The following PICK1 variants were observed in gnomAD, a reference collection of about 807,000 sequenced individuals.
PICK1 encodes PRKCA-binding protein.
A neutral mutation model predicts 48.9 loss-of-function variants in PICK1; 23 were observed. The observed-to-expected ratio is 0.47, with a 90% CI of 0.34 to 0.67. PICK1 has a LOEUF of 0.67. PICK1 is among the 30% of genes least tolerant of loss of function. The probability of loss-of-function intolerance (pLI) is 0.01; values close to 1 mark genes in which losing one functional copy is unlikely to be tolerated. For missense variants in PICK1, 423 were observed against 557.1 expected (o/e 0.76, Z 2.42); for synonymous variants, 217 against 228.2 (o/e 0.95, Z 0.44).
At chr22:38,062,394 C>A (rs185752595) in intron 3 of PICK1, among the ~76,000 whole-genome samples, 2 of 152,118 alleles carry the variant, frequency 1.3e-5, no homozygotes, top group East Asian at 3.9e-4. Context: ...ATTACAGGCA[C>A]GTGCCACCAC....
rs944017264 is a variant in PICK1, at chr22:38,067,852, C to T, written c.349+82C>T. On this transcript the variant is annotated intron_variant, in intron 5 of 12. Coordinates refer to ENST00000356976, the MANE Select transcript of PICK1 (RefSeq NM_012407.4). ...CCAAAGGAGAAGTGCCACAGCCAGC[C>T]CTGCCCTCCCCTTTATGACAGGAGA... 5.6e-6 allele frequency: 6 copies of T among 1,077,784 alleles called. No individual in the cohort carries two copies. The Admixed American group carries it at 7.1e-5, about 13-fold the overall frequency. 66.8% of individuals were successfully genotyped at this position (1,077,784 alleles called of 1,614,324 possible).
At chr22:38,060,533 G>A (rs1031793084) in intron 3 of PICK1, among the ~76,000 whole-genome samples, 3 of 152,094 alleles carry the variant, frequency 2.0e-5, no homozygotes, top group South Asian at 2.1e-4. Context: ...TGTAGGCCTC[G>A]AAGACAGATT....
intron 3 of PICK1, among the ~76,000 whole-genome samples, chr22:38,061,569 A>G (rs2085403893): frequency 6.6e-6 from 1 of 152,152 alleles, no homozygotes; most frequent in Non-Finnish European, 1.5e-5. Context: ...CCCAGGCTGG[A>G]GTGCAGTGGT....
Position 38,062,543 on chromosome 22 carries a change from C to T in PICK1, c.154-2459C>T, listed in dbSNP as rs138287923. Among the ~76,000 whole-genome samples, 666 of 152,198 alleles carry T rather than the reference C, an allele frequency of 4.4e-3. 11 individuals are homozygous for T. The highest frequency in any genetic ancestry group is 0.015 in the African/African-American group (633 of 41,540). ...GATTACAGGCGTGAGCCACCATGCCCGGCCCCATTTTCTTCAGTCTGTTTT... is the reference window on the plus strand; with the variant it reads ...GATTACAGGCGTGAGCCACCATGCCTGGCCCCATTTTCTTCAGTCTGTTTT... On this transcript the variant is annotated intron_variant, in intron 3 of 12. Coordinates refer to ENST00000356976, the MANE Select transcript of PICK1 (RefSeq NM_012407.4).
chr22:38,074,248 A>C lies in PICK1; in HGVS notation c.835-59A>C. The C allele has an allele frequency of 6.3e-7, 1 of 1,592,140 alleles. No individual in the cohort carries two copies. Among genetic ancestry groups the C allele is most frequent in the Non-Finnish European group, 8.6e-7 (1 of 1,163,236 alleles). On this transcript the variant is annotated intron_variant, in intron 11 of 12. Transcript: ENST00000356976. The surrounding 1 kb of genome is among the most constrained non-coding windows in gnomAD (Gnocchi z 4.5). Reference sequence around the variant, plus strand: ...AATGAAGAACAGCCGTGGCTTTGAAAGCACAGTGCGGTGCGAGGCCGTCCC... The same window carrying C: ...AATGAAGAACAGCCGTGGCTTTGAACGCACAGTGCGGTGCGAGGCCGTCCC...
intron 3 of PICK1, among the ~76,000 whole-genome samples, chr22:38,060,197 G>A (rs1356069996): frequency 6.6e-6 from 1 of 152,180 alleles, no homozygotes; most frequent in African/African-American, 2.4e-5. Context: ...TCCAGCCTGG[G>A]TGACCGAGTG....
intron 4 of PICK1, among the ~76,000 whole-genome samples, chr22:38,065,595 C>T (rs1307919534): frequency 2.0e-5 from 3 of 152,218 alleles, no homozygotes. Flanking sequence ...CGGTCCCACA[C>T]AGCCTCCTGG....
At position 38,075,501 on chromosome 22, in the gene PICK1, G is replaced by C. The variant is rs2085820848; in HGVS notation, c.*369G>C. The C allele has an allele frequency of 4.4e-6, 1 of 227,912 alleles. No individual in the cohort carries two copies. Among genetic ancestry groups the C allele is most frequent in the Admixed American group, 5.0e-5 (1 of 19,956 alleles). 14.1% of individuals were successfully genotyped at this position (227,912 alleles called of 1,614,324 possible). ...GGCGCTCACACTGCCCCCGGAGCCT[G>C]CTGGGAGTGGGGCCAGCCGTGGACA... On this transcript the variant is annotated 3_prime_UTR_variant, in exon 13 of 13. Transcript: ENST00000356976.
chr22:38,075,114 A>C lies in PICK1; in HGVS notation c.1230A>C (p.Gly410=). 1 of 1,611,678 alleles carries C rather than the reference A, an allele frequency of 6.2e-7. No individual in the cohort carries two copies. The highest frequency in any genetic ancestry group is 8.5e-7 in the Non-Finnish European group (1 of 1,179,592). Residue 410 remains glycine (G), a synonymous_variant, in exon 13 of 13, where the codon GGA becomes GGC. Transcript: ENST00000356976. ...CTGCTGGGCCCTTGGACAAGGGTGG[A>C]AGCTGGTGTGACTCCTGAGTGCCCC... ...RGAAGPLDKG[G]SWCDS is the part of the protein sequence containing the mutation.
At chr22:38,060,696 T>C (rs1052045822) in intron 3 of PICK1, among the ~76,000 whole-genome samples, 2 of 151,782 alleles carry the variant, frequency 1.3e-5, no homozygotes, top group African/African-American at 2.4e-5. Context: ...TCCCTCTACC[T>C]ACCTCAGGTG....
Position 38,058,279 on chromosome 22 carries a change from G to A in PICK1, c.41+429G>A, listed in dbSNP as rs1276021566. Reference sequence around the variant, plus strand: ...TTTCAGATCAAGGAGTGGGTGCAATGCCTTTCTCTATGCTCAGCACTTAGT... The same window carrying A: ...TTTCAGATCAAGGAGTGGGTGCAATACCTTTCTCTATGCTCAGCACTTAGT... On this transcript the variant is annotated intron_variant, in intron 2 of 12. Coordinates refer to ENST00000356976, the MANE Select transcript of PICK1 (RefSeq NM_012407.4). The A allele has an allele frequency of 3.3e-5, 8 of 244,262 alleles. No homozygotes were observed. In the East Asian group the frequency reaches 7.4e-4, roughly 23 times the overall value. 15.1% of individuals were successfully genotyped at this position (244,262 alleles called of 1,614,324 possible).
chr22:38,067,955 C>T (rs2085571863), intron 5 of PICK1, 185 bp downstream of exon 5: 16 of 695,054 alleles, frequency 2.3e-5, no homozygotes, highest in South Asian at 2.3e-4. Flanking sequence ...CCGGTGCTCT[C>T]CCTGCATCTG....
intron 3 of PICK1, among the ~76,000 whole-genome samples, chr22:38,060,958 G>A (rs987283122): frequency 2.6e-5 from 4 of 151,810 alleles, no homozygotes; most frequent in Non-Finnish European, 5.9e-5. Flanking sequence ...TATGTTGGCC[G>A]GCCTGGTCTC....
At position 38,075,357 on chromosome 22, in the gene PICK1, C is replaced by A; in HGVS notation, c.*225C>A. ...CTGGCCCCTCCACCCTCCCTCCCCTCCCGGCTCCCCGGCCAGAGGGAGAGC... is the reference window on the plus strand; with the variant it reads ...CTGGCCCCTCCACCCTCCCTCCCCTACCGGCTCCCCGGCCAGAGGGAGAGC... On this transcript the variant is annotated 3_prime_UTR_variant, in exon 13 of 13. Coordinates refer to ENST00000356976, the MANE Select transcript of PICK1 (RefSeq NM_012407.4). 1 of 546,700 alleles carries A rather than the reference C, an allele frequency of 1.8e-6. No individual in the cohort carries two copies. Among genetic ancestry groups the A allele is most frequent in the Non-Finnish European group, 3.2e-6 (1 of 308,552 alleles). The allele number at this position is 546,700 out of a possible 1,614,324, so 33.9% of individuals were successfully genotyped here. A position where few individuals can be genotyped will look rare whatever the true frequency, so the allele number is the denominator to read the frequency against.
At chr22:38,059,652 GC>G (rs1163396386) in intron 3 of PICK1, among the ~76,000 whole-genome samples, 1 of 152,178 alleles carries the variant, frequency 6.6e-6, no homozygotes, top group Non-Finnish European at 1.5e-5. Flanking sequence ...ACAGTGCCTG[GC>G]ACATAGTGGA....
intron 4 of PICK1, among the ~76,000 whole-genome samples, chr22:38,067,275 G>T (rs367961607): frequency 6.6e-6 from 1 of 150,930 alleles, no homozygotes; most frequent in African/African-American, 2.4e-5. Flanking sequence ...ATGTCACAGC[G>T]CTCAGCCTGG....
chr22:38,060,804 A>G (rs2085381230), intron 3 of PICK1, among the ~76,000 whole-genome samples: 1 of 149,384 alleles, frequency 6.7e-6, no homozygotes, highest in African/African-American at 2.5e-5. Context: ...GCTGGAGTGC[A>G]GTGGCGTGAT....
At chr22:38,068,978 CAGGG>C in intron 5 of PICK1, 51 bp from the exon 6 acceptor site, 2 of 1,422,140 alleles carry the variant, frequency 1.4e-6, no homozygotes, top group Non-Finnish European at 2.0e-6. Context: ...AGGCTGGGGG[CAGGG>C]ATGGCCTCTG....
chr22:38,067,238 G>A (rs1487875923), intron 4 of PICK1, among the ~76,000 whole-genome samples: 2 of 151,884 alleles, frequency 1.3e-5, no homozygotes, highest in African/African-American at 4.8e-5. Flanking sequence ...AGGGGCCTGG[G>A]ATCAGACAGG....
Sources: gnomAD v4.1 joint callset for allele counts (sites outside exome capture counted in the v4.1 genomes callset) on GRCh38, gnomAD v4.1.1 for gene constraint, Gnocchi (gnomAD v3.1) non-coding constraint, MANE v1.5 for transcripts, NCBI Gene and HGNC (gene_info 2026-07-23, HGNC 2026-07-21) for gene names.